The following DYRK1A variants were observed in gnomAD, a reference collection of about 807,000 sequenced individuals.
The protein encoded by DYRK1A is dual specificity tyrosine-phosphorylation-regulated kinase 1A.
In DYRK1A, 9 loss-of-function variants were observed where a neutral mutation model predicts 79.7. The ratio of observed to expected loss-of-function variants is 0.11; its 90% CI spans 0.07 to 0.20. The LOEUF (loss-of-function observed/expected upper bound fraction) is 0.20, where lower values mean the gene tolerates loss of function less well. Ranked by LOEUF, DYRK1A falls within the 10% of genes least tolerant of loss-of-function variation. The pLI, the probability that DYRK1A is intolerant of heterozygous loss-of-function variation, is 1.00. For synonymous variants in DYRK1A, 349 were observed against 329.7 expected, an observed-to-expected ratio of 1.06 and a Z score of -0.63; for missense variants, 622 against 956.0, an observed-to-expected ratio of 0.65 and a Z score of 4.61.
At chr21:37,504,048 G>C (rs577157900) in intron 9 of DYRK1A, 1 of 152,290 alleles carries the variant, frequency 6.6e-6, no homozygotes, top group East Asian at 1.9e-4. Flanking sequence ...TCTCAACTCT[G>C]TCAGGCCCCT....
chr21:37,440,684 G>A (rs1192337800), intron 2 of DYRK1A, among the ~76,000 whole-genome samples: 1 of 152,098 alleles, frequency 6.6e-6, no homozygotes, highest in Non-Finnish European at 1.5e-5. Flanking sequence ...TCTTCCTTGA[G>A]TTGTGGTTAT....
chr21:37,465,411 G>A (rs894397308), intron 2 of DYRK1A, among the ~76,000 whole-genome samples: 8 of 152,178 alleles, frequency 5.3e-5, no homozygotes, highest in African/African-American at 1.9e-4. Flanking sequence ...ACCCTCTAGT[G>A]TATTGTTTAG....
At position 37,492,451 on chromosome 21, in the gene DYRK1A, AGAT is replaced by A. The variant is rs574028686; in HGVS notation, c.925-563_925-561del. Among the ~76,000 whole-genome samples, 14 of 152,366 alleles carry A rather than the reference AGAT, an allele frequency of 9.2e-5. No homozygotes were observed. The South Asian group carries it at 1.4e-3, about 16-fold the overall frequency. ...AGTCTTGGATGGAGGTAGAGAGAGAAGATGAGAGAAGAAGCTATTGGTCAGAGA... is the reference window on the plus strand; with the variant it reads ...AGTCTTGGATGGAGGTAGAGAGAGAAGAGAGAAGAAGCTATTGGTCAGAGA... On this transcript the variant is annotated intron_variant, in intron 7 of 11. Coordinates refer to ENST00000647188, the MANE Select transcript of DYRK1A (RefSeq NM_001347721.2).
intron 11 of DYRK1A, 35 bp downstream of exon 11, chr21:37,506,258 C>T (rs903822195): frequency 6.2e-7 from 1 of 1,613,864 alleles, no homozygotes; most frequent in Non-Finnish European, 8.5e-7. Context: ...CTTGTGTCAC[C>T]TGCCATTCTC....
intron 1 of DYRK1A, among the ~76,000 whole-genome samples, chr21:37,406,710 GA>G (rs940994170): frequency 1.0e-4 from 15 of 143,450 alleles, no homozygotes; most frequent in Non-Finnish European, 1.8e-4. Flanking sequence ...CTCCAAAAAT[GA>G]AAAAAAAAAT....
At chr21:37,474,708 A>C (rs917684888) in intron 3 of DYRK1A, among the ~76,000 whole-genome samples, 1 of 152,216 alleles carries the variant, frequency 6.6e-6, no homozygotes, top group Non-Finnish European at 1.5e-5. Flanking sequence ...TAATTTCATT[A>C]TTTAATTTTC....
At chr21:37,398,076 A>AT (rs149647070) in intron 1 of DYRK1A, among the ~76,000 whole-genome samples, 53,133 of 145,546 alleles carry the variant, frequency 0.37, 10,121 homozygotes, top group Non-Finnish European at 0.41. Flanking sequence ...TTAAAAAAAA[A>AT]ATATATATAT....
At chr21:37,382,374 TAGTC>T (rs1312191192) in intron 1 of DYRK1A, among the ~76,000 whole-genome samples, 1 of 152,138 alleles carries the variant, frequency 6.6e-6, no homozygotes, top group Non-Finnish European at 1.5e-5. Flanking sequence ...AGCTTTCAGT[TAGTC>T]AGAACTCCCT....
At chr21:37,481,584 C>CA (rs2052642851) in intron 5 of DYRK1A, 1 of 152,158 alleles carries the variant, frequency 6.6e-6, no homozygotes, top group Admixed American at 6.6e-5. Context: ...TTAGTAGAGA[C>CA]AGGGTTTCAC....
intron 11 of DYRK1A, 130 bp downstream of exon 11, chr21:37,506,353 A>G (rs1166383489): frequency 6.4e-6 from 10 of 1,569,104 alleles, no homozygotes; most frequent in Non-Finnish European, 8.7e-6. Flanking sequence ...GTCTAAGGAA[A>G]TGTAAGTATT....
chr21:37,411,048 T>C (rs1343440516), intron 1 of DYRK1A, among the ~76,000 whole-genome samples: 2 of 52,192 alleles, frequency 3.8e-5, no homozygotes, highest in African/African-American at 2.2e-4. Flanking sequence ...GATTCTGTCT[T>C]TAAAAAAAAA....
At chr21:37,495,883 A>G (rs1206512014) in intron 8 of DYRK1A, among the ~76,000 whole-genome samples, 1 of 152,178 alleles carries the variant, frequency 6.6e-6, no homozygotes, top group East Asian at 1.9e-4. Context: ...TCAACATTGT[A>G]TCCATGGCTA....
intron 2 of DYRK1A, among the ~76,000 whole-genome samples, chr21:37,458,762 A>G (rs1478263460): frequency 2.0e-5 from 3 of 152,200 alleles, no homozygotes; most frequent in Admixed American, 1.3e-4. Flanking sequence ...CACGCCGCAG[A>G]GGAATGTGAG....
intron 6 of DYRK1A, 191 bp downstream of exon 6, chr21:37,486,805 G>A (rs2052886767): frequency 4.4e-6 from 2 of 457,632 alleles, no homozygotes; most frequent in Non-Finnish European, 7.4e-6. Context: ...TGGGGAATGT[G>A]CCTTCCATGT....
At chr21:37,405,370 A>G (rs2050129008) in intron 1 of DYRK1A, among the ~76,000 whole-genome samples, 1 of 152,104 alleles carries the variant, frequency 6.6e-6, no homozygotes. Context: ...TCTTGGCTTT[A>G]GTTCTGTTTT....
intron 2 of DYRK1A, among the ~76,000 whole-genome samples, chr21:37,452,466 C>T (rs998150026): frequency 5.3e-5 from 8 of 152,114 alleles, no homozygotes; most frequent in African/African-American, 1.4e-4. Context: ...TCAAACTTGG[C>T]GCTACTGCCT....
chr21:37,382,217 T>A (rs1431950378), intron 1 of DYRK1A, among the ~76,000 whole-genome samples: 6 of 151,514 alleles, frequency 4.0e-5, no homozygotes, highest in African/African-American at 1.5e-4. Flanking sequence ...CTTTTTTTTT[T>A]TAAAAAAAAA....
intron 8 of DYRK1A, among the ~76,000 whole-genome samples, 189 bp downstream of exon 8, chr21:37,493,352 A>AG (rs1438446316): frequency 2.0e-5 from 3 of 152,206 alleles, no homozygotes; most frequent in Non-Finnish European, 4.4e-5. Context: ...ATGAGATAGG[A>AG]GTAGGATATT....
rs571668161 is a variant in DYRK1A at position 37,378,450 on chromosome 21, T to G, written c.-77+10822T>G. Reference sequence around the variant, plus strand: ...GGGAGGCTGAGGCAGGAGAATTGCTTGAACCTGGGAGGCGGACGTGGTGGT... The same window carrying G: ...GGGAGGCTGAGGCAGGAGAATTGCTGGAACCTGGGAGGCGGACGTGGTGGT... On this transcript the variant is annotated intron_variant, in intron 1 of 11. Transcript: ENST00000647188. Among the ~76,000 whole-genome samples, 3 of 152,342 alleles carry G rather than the reference T, an allele frequency of 2.0e-5. No individual in the cohort carries two copies. In the East Asian group the frequency reaches 5.8e-4, roughly 29 times the overall value.
Sources: allele counts gnomAD v4.1 joint callset (sites outside exome capture counted in the v4.1 genomes callset), GRCh38; gene constraint gnomAD v4.1.1; transcripts MANE v1.5; gene names NCBI Gene and HGNC (gene_info 2026-07-23, HGNC 2026-07-21).